The following GRM8 variants were observed in gnomAD, a reference collection of about 807,000 sequenced individuals.
The protein encoded by GRM8 is glutamate metabotropic receptor 8, also known as metabotropic glutamate receptor 8.
In GRM8, 47 loss-of-function variants were observed where a neutral mutation model predicts 87.2. That is an observed-to-expected ratio of 0.54 (90% CI 0.43 to 0.69). The LOEUF is 0.69. GRM8 is among the 30% of genes least tolerant of loss of function. GRM8 has a pLI of 0.00. For synonymous variants in GRM8, 396 were observed against 404.5 expected, an observed-to-expected ratio of 0.98 and a Z score of 0.25; for missense variants, 1,019 against 1,139.2, an observed-to-expected ratio of 0.89 and a Z score of 1.52.
intron 3 of GRM8, among the ~76,000 whole-genome samples, chr7:127,023,088 T>C (rs1167412307): frequency 6.6e-6 from 1 of 152,106 alleles, no homozygotes; most frequent in African/African-American, 2.4e-5. Flanking sequence ...ATTTTTCTAA[T>C]ACCCTGAAAG....
chr7:126,472,369 C>T (rs922970949), intron 9 of GRM8, among the ~76,000 whole-genome samples: 1 of 151,964 alleles, frequency 6.6e-6, no homozygotes, highest in African/African-American at 2.4e-5. Flanking sequence ...CCATCAATAC[C>T]TAATTTATTG....
intron 3 of GRM8, among the ~76,000 whole-genome samples, chr7:126,986,740 C>T (rs1264158678): frequency 6.6e-6 from 1 of 152,106 alleles, no homozygotes; most frequent in Non-Finnish European, 1.5e-5. Flanking sequence ...GAGCTTCAGG[C>T]CACTAGAATT....
rs1802938224 is a variant in GRM8 at position 126,645,584 on chromosome 7, C to T, written c.1358-36086G>A. Among the ~76,000 whole-genome samples, 3 of 152,356 alleles carry T rather than the reference C, an allele frequency of 2.0e-5. No individual in the cohort carries two copies. In the South Asian group the frequency reaches 6.2e-4, roughly 32 times the overall value. On this transcript the variant is annotated intron_variant, in intron 7 of 10. Coordinates refer to ENST00000339582, the MANE Select transcript of GRM8 (RefSeq NM_000845.3). ...ATGGGCTGAACTCATGTCAGTTAAACTCTATACTGCAATAGCACCATCTCA... is the reference window on the plus strand; with the variant it reads ...ATGGGCTGAACTCATGTCAGTTAAATTCTATACTGCAATAGCACCATCTCA...
chr7:126,732,412 A>C (rs1813704570), intron 7 of GRM8, among the ~76,000 whole-genome samples: 2 of 152,136 alleles, frequency 1.3e-5, no homozygotes, highest in African/African-American at 2.4e-5. Context: ...TATTCTTTTG[A>C]ATTTTGCATC....
At chr7:126,855,934 C>T (rs1311160057) in intron 6 of GRM8, among the ~76,000 whole-genome samples, 1 of 152,134 alleles carries the variant, frequency 6.6e-6, no homozygotes, top group East Asian at 1.9e-4. Context: ...GAAAACACTC[C>T]TGGCTTCCTG....
chr7:127,068,659 G>A (rs987030816), intron 3 of GRM8, among the ~76,000 whole-genome samples: 26 of 152,188 alleles, frequency 1.7e-4, no homozygotes, highest in African/African-American at 6.0e-4. Context: ...AGAGCAACAG[G>A]AGTATTCAGT....
chr7:127,029,146 T>C (rs1817105501), intron 3 of GRM8, among the ~76,000 whole-genome samples: 1 of 152,222 alleles, frequency 6.6e-6, no homozygotes, highest in African/African-American at 2.4e-5. Context: ...CTGTGTGGTT[T>C]TGAGTGAGTT....
At chr7:126,562,835 T>C (rs1454329610) in intron 8 of GRM8, among the ~76,000 whole-genome samples, 1 of 152,132 alleles carries the variant, frequency 6.6e-6, no homozygotes, top group Non-Finnish European at 1.5e-5. Context: ...AGGCAGATAT[T>C]GCGGTGAGCC....
intron 3 of GRM8, among the ~76,000 whole-genome samples, chr7:127,087,040 T>C (rs1361004538): frequency 1.2e-4 from 18 of 152,286 alleles, no homozygotes; most frequent in Non-Finnish European, 2.6e-4. Flanking sequence ...GCACCTCCAG[T>C]TAAGGACAGG....
At chr7:127,207,880 G>A (rs1176542111) in intron 2 of GRM8, among the ~76,000 whole-genome samples, 1 of 152,154 alleles carries the variant, frequency 6.6e-6, no homozygotes, top group Non-Finnish European at 1.5e-5. Flanking sequence ...GTTAAGTCAT[G>A]CACCCTCCAC....
At chr7:126,851,267 G>A (rs1053066996) in intron 6 of GRM8, among the ~76,000 whole-genome samples, 1 of 152,056 alleles carries the variant, frequency 6.6e-6, no homozygotes, top group African/African-American at 2.4e-5. Context: ...CCTCTCCAGG[G>A]CTATCCCTCT....
chr7:126,887,249 A>C (rs1305754034), intron 6 of GRM8, among the ~76,000 whole-genome samples: 1 of 152,140 alleles, frequency 6.6e-6, no homozygotes, highest in Non-Finnish European at 1.5e-5. Context: ...TTGAATAATA[A>C]GACTGTGTAT....
chr7:127,184,256 C>T (rs1013413103), intron 2 of GRM8, among the ~76,000 whole-genome samples: 9 of 151,724 alleles, frequency 5.9e-5, no homozygotes, highest in African/African-American at 1.9e-4. Flanking sequence ...AAATCCTCAA[C>T]ATATTAGCAA....
At chr7:126,581,957 T>C (rs946779913) in intron 8 of GRM8, among the ~76,000 whole-genome samples, 3 of 152,176 alleles carry the variant, frequency 2.0e-5, no homozygotes, top group Non-Finnish European at 4.4e-5. Context: ...TGGGCCTTGA[T>C]ATTCCCTAAG....
At chr7:126,502,847 C>G (rs1562890137) in intron 9 of GRM8, among the ~76,000 whole-genome samples, 1 of 151,942 alleles carries the variant, frequency 6.6e-6, no homozygotes, top group Non-Finnish European at 1.5e-5. Flanking sequence ...AAACATGATC[C>G]ACAGACATAG....
intron 3 of GRM8, among the ~76,000 whole-genome samples, chr7:127,061,096 A>T (rs1050880793): frequency 6.6e-6 from 1 of 152,202 alleles, no homozygotes. Flanking sequence ...TTCTGTCCCC[A>T]TAGCTTTTCT....
intron 3 of GRM8, among the ~76,000 whole-genome samples, chr7:126,942,206 A>G (rs142168530): frequency 6.6e-6 from 1 of 152,330 alleles, no homozygotes; most frequent in Non-Finnish European, 1.5e-5. Context: ...CATCGTTACT[A>G]TATTGAGAAC....
chr7:126,878,938 C>G (rs954191326), intron 6 of GRM8, among the ~76,000 whole-genome samples: 1 of 151,720 alleles, frequency 6.6e-6, no homozygotes. Context: ...GGAGGCAGGT[C>G]GATCACCTGA....
At chr7:127,107,558 C>T (rs1364703382) in intron 2 of GRM8, among the ~76,000 whole-genome samples, 1 of 152,132 alleles carries the variant, frequency 6.6e-6, no homozygotes, top group Non-Finnish European at 1.5e-5. Flanking sequence ...CTCCAAGATG[C>T]CCTAATTCAG....
Sources: gnomAD v4.1 joint callset for allele counts (sites outside exome capture counted in the v4.1 genomes callset) on GRCh38, gnomAD v4.1.1 for gene constraint, MANE v1.5 for transcripts, NCBI Gene and HGNC (gene_info 2026-07-23, HGNC 2026-07-21) for gene names.